EHBP1: variants seen among roughly 807,000 people sequenced by gnomAD.
EHBP1 encodes EH domain binding protein 1.
A neutral mutation model predicts 144.0 loss-of-function variants in EHBP1; 55 were observed. The observed-to-expected ratio is 0.38, with a 90% CI of 0.31 to 0.48. EHBP1 has a LOEUF of 0.48. Among genes scored for constraint, EHBP1 ranks in the 20% least tolerant of loss-of-function variants. EHBP1 has a pLI of 0.98. For missense variants in EHBP1, 1,200 were observed against 1,364.2 expected (o/e 0.88, Z 1.90); for synonymous variants, 469 against 472.7 (o/e 0.99, Z 0.10).
intron 5 of EHBP1, among the ~76,000 whole-genome samples, chr2:62,818,297 T>G (rs2045597204): frequency 6.6e-6 from 1 of 151,596 alleles, no homozygotes; most frequent in South Asian, 2.1e-4. Flanking sequence ...TATACAGACA[T>G]ACCATTTAAA....
At chr2:62,928,293 C>T (rs370267390) in intron 10 of EHBP1, among the ~76,000 whole-genome samples, 35 of 152,266 alleles carry the variant, frequency 2.3e-4, no homozygotes, top group African/African-American at 8.4e-4. Flanking sequence ...GATGGCCTAG[C>T]TTTTCCTAGG....
intron 7 of EHBP1, among the ~76,000 whole-genome samples, chr2:62,852,721 C>T (rs1471927144): frequency 6.6e-6 from 1 of 151,946 alleles, no homozygotes. Context: ...AGTCATGAGA[C>T]TGGTAATCAC....
chr2:62,821,318 G>A (rs997990552), intron 5 of EHBP1, among the ~76,000 whole-genome samples: 5 of 152,082 alleles, frequency 3.3e-5, no homozygotes, highest in Non-Finnish European at 5.9e-5. Context: ...AGATGAAAAA[G>A]CATACAATGA....
chr2:63,020,314 ACT>A (rs1378956589), intron 19 of EHBP1, among the ~76,000 whole-genome samples: 1 of 133,150 alleles, frequency 7.5e-6, no homozygotes, highest in Admixed American at 8.4e-5. Context: ...ACAGAGTGAG[ACT>A]CTGTCTCAAA....
At chr2:62,883,842 A>G (rs903119043) in intron 10 of EHBP1, among the ~76,000 whole-genome samples, 3 of 152,174 alleles carry the variant, frequency 2.0e-5, no homozygotes, top group Non-Finnish European at 2.9e-5. Flanking sequence ...ATCATGGCTC[A>G]CGCCTGTATT....
At chr2:62,701,295 T>C (rs2034274328), upstream of EHBP1, among the ~76,000 whole-genome samples, 1 of 152,190 alleles carries the variant, frequency 6.6e-6, no homozygotes, top group Non-Finnish European at 1.5e-5. Context: ...AGCCAAAATA[T>C]TATTTCAATA....
chr2:62,834,416 C>T (rs950129246), intron 7 of EHBP1, among the ~76,000 whole-genome samples: 32 of 152,160 alleles, frequency 2.1e-4, no homozygotes, highest in Admixed American at 2.0e-4. Flanking sequence ...CAACCTTCAG[C>T]AACCACCACC....
At chr2:62,726,730 C>T (rs1446485918) in intron 2 of EHBP1, 1 of 152,192 alleles carries the variant, frequency 6.6e-6, no homozygotes, top group African/African-American at 2.4e-5. Flanking sequence ...TGAGATAACT[C>T]ACTACCAGCC....
chr2:62,936,942 C>T (rs1389185549), intron 10 of EHBP1, among the ~76,000 whole-genome samples: 1 of 152,104 alleles, frequency 6.6e-6, no homozygotes, highest in Non-Finnish European at 1.5e-5. Flanking sequence ...AGTTGAGAGA[C>T]CAAAATGTGC....
chr2:62,991,745 G>A (rs981788129), intron 16 of EHBP1, among the ~76,000 whole-genome samples: 3 of 152,166 alleles, frequency 2.0e-5, no homozygotes, highest in African/African-American at 7.2e-5. Flanking sequence ...TTCCAGTCCT[G>A]TATAACTTTT....
In EHBP1 at chr2:62,803,606, A is replaced by C. The variant is rs1029749384; in HGVS notation, c.313-22481A>C. On this transcript the variant is annotated intron_variant, in intron 5 of 22. Transcript: ENST00000431489. ...ATTAGCCATGCATGTTTTTCTGTGA[A>C]TTGTTCATGCCCACCCATTGCCAAC... Among the ~76,000 whole-genome samples, 83 of 152,168 alleles carry C rather than the reference A, an allele frequency of 5.5e-4. 2 individuals are homozygous for C. Among genetic ancestry groups the C allele is most frequent in the Non-Finnish European group, 9.0e-4 (61 of 68,020 alleles).
chr2:62,999,263 C>A (rs981400701), intron 19 of EHBP1, among the ~76,000 whole-genome samples: 3 of 152,116 alleles, frequency 2.0e-5, no homozygotes, highest in Admixed American at 1.3e-4. Context: ...AACAAATATA[C>A]TTTATCTGCT....
At chr2:62,908,089 T>C (rs1377231537) in intron 10 of EHBP1, among the ~76,000 whole-genome samples, 1 of 152,154 alleles carries the variant, frequency 6.6e-6, no homozygotes, top group Non-Finnish European at 1.5e-5. Flanking sequence ...GGACCTGGAG[T>C]TTCCTTTGGG....
rs1429256127 is a variant in EHBP1 at position 63,046,258 on chromosome 2, C to T, written c.*758C>T. On this transcript the variant is annotated 3_prime_UTR_variant, in exon 23 of 23. Transcript: ENST00000431489. ...TTCTCTGGATAATTATTTCTTACAT[C>T]ATGCTTGATTCCTACATTTTGTTGG... 1 of 152,648 alleles carries T rather than the reference C, an allele frequency of 6.6e-6. No individual in the cohort carries two copies. Among genetic ancestry groups the T allele is most frequent in the Non-Finnish European group, 1.5e-5 (1 of 68,044 alleles). 9.5% of individuals were successfully genotyped at this position (152,648 alleles called of 1,614,324 possible). A position where few individuals can be genotyped will look rare whatever the true frequency, so the allele number is the denominator to read the frequency against.
chr2:62,979,852 A>G (rs770676280), intron 15 of EHBP1, among the ~76,000 whole-genome samples: 19 of 152,160 alleles, frequency 1.2e-4, no homozygotes, highest in Non-Finnish European at 5.9e-5. Flanking sequence ...ATCTGCAGAG[A>G]TTAATCTAAG....
At chr2:63,041,808 G>A (rs1379994515) in intron 21 of EHBP1, among the ~76,000 whole-genome samples, 1 of 152,138 alleles carries the variant, frequency 6.6e-6, no homozygotes, top group Non-Finnish European at 1.5e-5. Flanking sequence ...CAAAACTAGT[G>A]TTAATTTTCA....
chr2:62,728,317 C>T (rs1015034214), intron 2 of EHBP1, among the ~76,000 whole-genome samples: 1 of 152,208 alleles, frequency 6.6e-6, no homozygotes, highest in Non-Finnish European at 1.5e-5. Flanking sequence ...GAAGAACTGT[C>T]AAACTGTTTA....
At chr2:62,982,291 G>C (rs1017970235) in intron 15 of EHBP1, among the ~76,000 whole-genome samples, 4 of 152,212 alleles carry the variant, frequency 2.6e-5, no homozygotes, top group African/African-American at 7.2e-5. Flanking sequence ...TGTGCTGTCT[G>C]TCCCAGCTAC....
intron 10 of EHBP1, among the ~76,000 whole-genome samples, chr2:62,893,731 T>A (rs1256651211): frequency 6.6e-6 from 1 of 151,956 alleles, no homozygotes; most frequent in Non-Finnish European, 1.5e-5. Context: ...GGTGGCGAGG[T>A]AGTATCCTCT....
Sources: gnomAD v4.1 joint callset for allele counts (sites outside exome capture counted in the v4.1 genomes callset) on GRCh38, gnomAD v4.1.1 for gene constraint, MANE v1.5 for transcripts, NCBI Gene and HGNC (gene_info 2026-07-23, HGNC 2026-07-21) for gene names.